EYA4: variants seen among roughly 807,000 people sequenced by gnomAD.
EYA4 encodes the protein EYA transcriptional coactivator and phosphatase 4.
EYA4 carries 31 observed loss-of-function variants against 87.9 expected under a neutral mutation model. That is an observed-to-expected ratio of 0.35 (90% CI 0.27 to 0.48). The LOEUF (loss-of-function observed/expected upper bound fraction) is 0.48. EYA4 is among the 20% of genes least tolerant of loss of function. The pLI is 0.99. For missense variants in EYA4, 678 were observed against 761.4 expected (o/e 0.89, Z 1.29); for synonymous variants, 263 against 270.6 (o/e 0.97, Z 0.28).
At chr6:133,457,929 T>C (rs943997739) in intron 6 of EYA4, among the ~76,000 whole-genome samples, 4 of 152,176 alleles carry the variant, frequency 2.6e-5, no homozygotes, top group African/African-American at 7.2e-5. Flanking sequence ...CCAGAAGGAA[T>C]TTCAGAGCTC....
rs149765010 is a variant in EYA4, at chr6:133,268,224, T to G, written c.-65-6492T>G. Among the ~76,000 whole-genome samples, 15 of 152,332 alleles carry G rather than the reference T, an allele frequency of 9.8e-5. No individual in the cohort carries two copies. The East Asian group carries it at 2.9e-3, about 29-fold the overall frequency. ...CACTAATTTTTATGTCCTCAGTAAG[T>G]GTATATATAGTCACATTTATTTACT... On this transcript the variant is annotated intron_variant, in intron 1 of 19. Coordinates refer to ENST00000355286, the MANE Select transcript of EYA4 (RefSeq NM_004100.5).
chr6:133,459,239 C>T (rs991398256), intron 6 of EYA4, among the ~76,000 whole-genome samples: 10 of 151,966 alleles, frequency 6.6e-5, no homozygotes, highest in African/African-American at 2.2e-4. Flanking sequence ...AACATATAGA[C>T]GTTAATAGAA....
chr6:133,464,833 C>T lies in EYA4; in HGVS notation c.779C>T (p.Ser260Leu). ...TATGCAAATAATTCAGTTTCCAATT[C>T]AACGAATTTCAGTGGTTCACAACAG... is the stretch of plus-strand genomic sequence containing the variant. ...TIYANNSVSN[S>L]TNFSGSQQDY... The change falls in exon 10 of 20, where the codon TCA (serine) becomes TTA (leucine). Residue 260 changes from serine to leucine, a missense_variant. Physicochemically the swap from Ser to Leu is moderately radical, Grantham distance 145. Transcript: ENST00000355286. The T allele has an allele frequency of 6.2e-7, 1 of 1,610,708 alleles. No individual in the cohort carries two copies. The highest frequency in any genetic ancestry group is 8.5e-7 in the Non-Finnish European group (1 of 1,177,622).
At chr6:133,265,680 C>G (rs1446706863) in intron 1 of EYA4, among the ~76,000 whole-genome samples, 8 of 152,072 alleles carry the variant, frequency 5.3e-5, no homozygotes, top group Non-Finnish European at 2.9e-5. Context: ...GAAAAAAATT[C>G]ACGTTACCAT....
At chr6:133,350,979 A>AT (rs1421303717) in intron 2 of EYA4, among the ~76,000 whole-genome samples, 1 of 151,774 alleles carries the variant, frequency 6.6e-6, no homozygotes, top group Non-Finnish European at 1.5e-5. Context: ...CTAATGACTG[A>AT]TTTTTCTTCT....
chr6:133,469,095 T>A (rs1251940030), intron 11 of EYA4, among the ~76,000 whole-genome samples: 1 of 152,046 alleles, frequency 6.6e-6, no homozygotes, highest in South Asian at 2.1e-4. Flanking sequence ...CCTTTGTAAG[T>A]TGTCAGTAGC....
At chr6:133,349,329 T>G (rs1271765872) in intron 2 of EYA4, among the ~76,000 whole-genome samples, 2 of 152,232 alleles carry the variant, frequency 1.3e-5, no homozygotes, top group Non-Finnish European at 2.9e-5. Flanking sequence ...TTTTTTGTTT[T>G]GTTACTCTTT....
At chr6:133,420,147 T>A (rs1790090511) in intron 3 of EYA4, among the ~76,000 whole-genome samples, 1 of 152,064 alleles carries the variant, frequency 6.6e-6, no homozygotes, top group Non-Finnish European at 1.5e-5. Flanking sequence ...AAAAAAATCA[T>A]CCATACCTTA....
At chr6:133,480,121 G>C (rs1796077810) in intron 11 of EYA4, among the ~76,000 whole-genome samples, 1 of 152,180 alleles carries the variant, frequency 6.6e-6, no homozygotes, top group Admixed American at 6.6e-5. Flanking sequence ...ACAGTGATCA[G>C]AGGATGGAAT....
chr6:133,337,491 G>C (rs1250737732), intron 2 of EYA4, among the ~76,000 whole-genome samples: 1 of 152,170 alleles, frequency 6.6e-6, no homozygotes, highest in South Asian at 2.1e-4. Flanking sequence ...CTGAAAGTGG[G>C]CAAGTTTGGG....
intron 10 of EYA4, among the ~76,000 whole-genome samples, chr6:133,466,496 C>G (rs1484719388): frequency 6.6e-6 from 1 of 152,096 alleles, no homozygotes; most frequent in Non-Finnish European, 1.5e-5. Flanking sequence ...GATCTGATTC[C>G]TGCCTCATAG....
At chr6:133,462,903 C>A in intron 9 of EYA4, 139 bp downstream of exon 9, 3 of 813,040 alleles carry the variant, frequency 3.7e-6, no homozygotes, top group Admixed American at 2.0e-5. Context: ...AGAAAGATAA[C>A]TAGACAGAAA....
chr6:133,303,499 C>G (rs1779571446), intron 2 of EYA4, among the ~76,000 whole-genome samples: 1 of 152,178 alleles, frequency 6.6e-6, no homozygotes, highest in South Asian at 2.1e-4. Context: ...TTTATAGCCT[C>G]TCTCTCCACT....
intron 13 of EYA4, 175 bp from the exon 14 acceptor site, chr6:133,505,931 A>T: frequency 1.7e-6 from 1 of 586,282 alleles, no homozygotes; most frequent in Non-Finnish European, 3.1e-6. Context: ...TGCATTTGGT[A>T]TGTCTGAACC....
At chr6:133,399,001 A>G (rs943264148) in intron 3 of EYA4, among the ~76,000 whole-genome samples, 2 of 152,150 alleles carry the variant, frequency 1.3e-5, no homozygotes, top group Admixed American at 6.6e-5. Context: ...CTACCTATTT[A>G]TTCATCTTTT....
chr6:133,461,214 C>G, intron 7 of EYA4, 34 bp downstream of exon 7: 1 of 1,435,212 alleles, frequency 7.0e-7, no homozygotes, highest in Non-Finnish European at 9.8e-7. Context: ...TTTAAATTGG[C>G]AAACATTTAT....
chr6:133,264,350 A>T (rs1776035749), intron 1 of EYA4, among the ~76,000 whole-genome samples: 1 of 152,244 alleles, frequency 6.6e-6, no homozygotes, highest in Non-Finnish European at 1.5e-5. Flanking sequence ...TTCTGAGGAC[A>T]GGGTAAAGCT....
At chr6:133,380,623 T>C (rs1356196014) in intron 2 of EYA4, among the ~76,000 whole-genome samples, 1 of 152,150 alleles carries the variant, frequency 6.6e-6, no homozygotes, top group Non-Finnish European at 1.5e-5. Context: ...GGGCAGTTCA[T>C]ATAGTTTTTT....
chr6:133,324,902 CTA>C (rs1281445010), intron 2 of EYA4, among the ~76,000 whole-genome samples: 15 of 125,798 alleles, frequency 1.2e-4, no homozygotes, highest in Non-Finnish European at 2.0e-4. Context: ...ATTTCAGAAG[CTA>C]TTTTTTTTTT....
Sources: allele counts gnomAD v4.1 joint callset (sites outside exome capture counted in the v4.1 genomes callset), GRCh38; gene constraint gnomAD v4.1.1; transcripts MANE v1.5; gene names NCBI Gene and HGNC (gene_info 2026-07-23, HGNC 2026-07-21).